The following MRS2 variants were observed in gnomAD, a reference collection of about 807,000 sequenced individuals.
MRS2 encodes the protein magnesium transporter MRS2.
In MRS2, 40 loss-of-function variants were observed where a neutral mutation model predicts 52.6. That is an observed-to-expected ratio of 0.76 (90% confidence interval 0.59 to 0.99). The LOEUF is 0.99. Among genes scored for constraint, MRS2 ranks in the 50% least tolerant of loss-of-function variants. The pLI, the probability that MRS2 is intolerant of heterozygous loss-of-function variation, is 0.00. For synonymous variants in MRS2, 193 were observed against 195.9 expected (o/e 0.98, Z 0.13); for missense variants, 472 against 532.7 (o/e 0.89, Z 1.12).
chr6:24,416,748 C>CG (rs1273700951), intron 7 of MRS2, among the ~76,000 whole-genome samples: 4 of 152,102 alleles, frequency 2.6e-5, no homozygotes, highest in Non-Finnish European at 5.9e-5. Context: ...TATAAACACA[C>CG]AGTTACCTTT....
Position 24,409,490 on chromosome 6 carries a change from T to A in MRS2, c.331T>A (p.Leu111Ile). The A allele has an allele frequency of 6.2e-7, 1 of 1,610,232 alleles. No individual in the cohort carries two copies. Among genetic ancestry groups the A allele is most frequent in the South Asian group, 1.1e-5 (1 of 90,572 alleles). ...ERKKTELYQE[L>I]GLQARDLRFQ... ...GAAGAAAACTGAATTATACCAAGAG[T>A]TAGGTCTTCAAGCCAGAGATTTGAG... Residue 111 changes from leucine to isoleucine, a missense_variant, in exon 4 of 11, where the codon TTA becomes ATA. Leu to Ile is a conservative substitution (Grantham distance 5). Transcript: ENST00000378386.
chr6:24,418,592 AT>A lies in MRS2; in HGVS notation c.1107+16del. 1 of 1,592,472 alleles carries A rather than the reference AT, an allele frequency of 6.3e-7. No individual in the cohort carries two copies. Among genetic ancestry groups the A allele is most frequent in the Non-Finnish European group, 8.6e-7 (1 of 1,161,398 alleles). On this transcript the variant is annotated intron_variant, in intron 9 of 10. Coordinates refer to ENST00000378386, the MANE Select transcript of MRS2 (RefSeq NM_020662.4). ...TCCCTTGAAGAGGTGAGAATGTATT[AT>A]TATTTCTAAAACTTGGGGGTTTTGG...
chr6:24,412,007 A>G (rs887379625), intron 4 of MRS2, among the ~76,000 whole-genome samples: 1 of 150,616 alleles, frequency 6.6e-6, no homozygotes, highest in African/African-American at 2.4e-5. Flanking sequence ...GAAAAAAAAA[A>G]CCTTGATTTT....
intron 1 of MRS2, among the ~76,000 whole-genome samples, chr6:24,403,474 TCTC>T (rs200468766): frequency 0.011 from 1,736 of 152,264 alleles, 16 homozygotes; most frequent in South Asian, 0.047. Context: ...CCCTCTGCCT[TCTC>T]CTCCACCGCC....
intron 4 of MRS2, chr6:24,410,806 G>GA: frequency 7.1e-7 from 1 of 1,417,726 alleles, no homozygotes; most frequent in Non-Finnish European, 9.6e-7. Flanking sequence ...ACAGGTATGT[G>GA]AAAAAGCAAA....
intron 6 of MRS2, 39 bp from the exon 7 acceptor site, chr6:24,416,358 T>G: frequency 1.2e-6 from 1 of 835,860 alleles, no homozygotes; most frequent in Non-Finnish European, 2.0e-6. Flanking sequence ...TCTTATAAGT[T>G]TATTCTATTG....
chr6:24,423,302 G>A, intron 10 of MRS2: 4 of 480,384 alleles, frequency 8.3e-6, no homozygotes, highest in Non-Finnish European at 1.5e-5. Context: ...AATATAATTT[G>A]TGTAGAACTC....
chr6:24,416,270 T>TTTTAA, intron 6 of MRS2, 127 bp from the exon 7 acceptor site: 1 of 476,320 alleles, frequency 2.1e-6, no homozygotes. Flanking sequence ...TTTTTTTTTT[T>TTTTAA]AAATAAGTCA....
intron 1 of MRS2, among the ~76,000 whole-genome samples, chr6:24,404,687 A>G (rs1156311214): frequency 6.6e-6 from 1 of 152,250 alleles, no homozygotes; most frequent in East Asian, 1.9e-4. Flanking sequence ...GTAGAAAAGA[A>G]GTAAAATCAT....
chr6:24,422,981 A>C lies in MRS2; in HGVS notation c.1152A>C (p.Gly384=). The C allele has an allele frequency of 6.2e-7, 1 of 1,614,128 alleles. No homozygotes were observed. Among genetic ancestry groups the C allele is most frequent in the Non-Finnish European group, 8.5e-7 (1 of 1,179,998 alleles). The change falls in exon 10 of 11, where the codon GGA becomes GGC. Residue 384 remains glycine (G), a synonymous_variant. Transcript: ENST00000378386. ...FWLITGIMFM[G]SGLIWRRLLS... ...TGATTACAGGAATTATGTTCATGGG[A>C]AGTGGCCTCATCTGGAGGCGCCTGC...
In MRS2 at chr6:24,425,673, T is replaced by A. The variant is rs946982954; in HGVS notation, c.*1979T>A. 2 of 152,222 alleles carry A rather than the reference T, an allele frequency of 1.3e-5. No homozygotes were observed. The highest frequency in any genetic ancestry group is 4.8e-5 in the African/African-American group (2 of 41,452). The allele number at this position is 152,222 out of a possible 1,614,324, so 9.4% of individuals were successfully genotyped here. On this transcript the variant is annotated 3_prime_UTR_variant, in exon 11 of 11. Transcript: ENST00000378386. ...TTGAAAGTAGGTACCAAACACTGGG[T>A]TATGTGAGTGAGTAAGCAATCATAT...
At chr6:24,403,772 T>G (rs554058621) in intron 1 of MRS2, among the ~76,000 whole-genome samples, 2 of 152,308 alleles carry the variant, frequency 1.3e-5, no homozygotes, top group East Asian at 3.9e-4. Context: ...AAGTATAAAT[T>G]AATACTTCCC....
chr6:24,419,518 T>G (rs940835522), intron 9 of MRS2, among the ~76,000 whole-genome samples: 5 of 152,222 alleles, frequency 3.3e-5, no homozygotes, highest in Non-Finnish European at 5.9e-5. Flanking sequence ...GGCTCAATCA[T>G]TGCAACTCTG....
intron 2 of MRS2, among the ~76,000 whole-genome samples, chr6:24,405,741 T>C (rs1342578072): frequency 6.7e-6 from 1 of 149,834 alleles, no homozygotes; most frequent in Non-Finnish European, 1.5e-5. Context: ...TCTATGGGAA[T>C]TGGTTGTAAT....
intron 5 of MRS2, among the ~76,000 whole-genome samples, chr6:24,414,419 T>C (rs1210536408): frequency 1.5e-3 from 220 of 143,492 alleles, no homozygotes; most frequent in South Asian, 3.9e-3. Flanking sequence ...TTAATCCATT[T>C]AACCCTGAGT....
chr6:24,413,841 C>T (rs921026288), intron 5 of MRS2, among the ~76,000 whole-genome samples: 1 of 152,196 alleles, frequency 6.6e-6, no homozygotes, highest in African/African-American at 2.4e-5. Context: ...ATGCTATTTG[C>T]CAACTGGCAT....
chr6:24,419,303 G>GTAAC (rs1332730398), intron 9 of MRS2: 1 of 152,058 alleles, frequency 6.6e-6, no homozygotes, highest in Non-Finnish European at 1.5e-5. Flanking sequence ...AATATATAAT[G>GTAAC]TAACTCACAA....
chr6:24,408,216 A>C (rs953861713), intron 2 of MRS2, among the ~76,000 whole-genome samples, 192 bp from the exon 3 acceptor site: 2 of 152,180 alleles, frequency 1.3e-5, no homozygotes, highest in Non-Finnish European at 2.9e-5. Context: ...TCAAAGGAAA[A>C]AAGGATTTTA....
At chr6:24,415,185 C>T (rs748961988) in intron 6 of MRS2, 22 bp downstream of exon 6, 13 of 1,510,230 alleles carry the variant, frequency 8.6e-6, no homozygotes, top group South Asian at 1.4e-5. Context: ...TGATGTATCA[C>T]ATTGGGAGTT....
Sources: gnomAD v4.1 joint callset for allele counts (sites outside exome capture counted in the v4.1 genomes callset) on GRCh38, gnomAD v4.1.1 for gene constraint, MANE v1.5 for transcripts, NCBI Gene and HGNC (gene_info 2026-07-23, HGNC 2026-07-21) for gene names.